CLEC16A: variants seen among roughly 807,000 people sequenced by gnomAD.
The protein encoded by CLEC16A is C-type lectin domain containing 16A, also known as protein CLEC16A.
In CLEC16A, 51 loss-of-function variants were observed where a neutral mutation model predicts 109.5. The ratio of observed to expected loss-of-function variants is 0.47; its 90% CI spans 0.37 to 0.59. CLEC16A has a LOEUF of 0.59. Ranked by LOEUF, CLEC16A falls within the 20% of genes least tolerant of loss-of-function variation. CLEC16A has a pLI of 0.00. For missense variants in CLEC16A, 1,339 were observed against 1,394.0 expected, an observed-to-expected ratio of 0.96 and a Z score of 0.63; for synonymous variants, 673 against 564.2, an observed-to-expected ratio of 1.19 and a Z score of -2.73.
intron 19 of CLEC16A, among the ~76,000 whole-genome samples, chr16:11,101,976 C>CTT (rs35871397): frequency 6.2e-5 from 8 of 129,552 alleles, no homozygotes; most frequent in Non-Finnish European, 8.3e-5. Context: ...ATAATTTTTG[C>CTT]TTTTTTTTTT....
intron 19 of CLEC16A, among the ~76,000 whole-genome samples, chr16:11,090,347 G>A (rs2050235739): frequency 6.6e-6 from 1 of 152,132 alleles, no homozygotes; most frequent in Non-Finnish European, 1.5e-5. Context: ...TTAAGAATGG[G>A]CTGTTACTTT....
intron 22 of CLEC16A, among the ~76,000 whole-genome samples, chr16:11,130,038 A>G (rs112670095): frequency 0.044 from 6,680 of 152,260 alleles, 488 homozygotes; most frequent in African/African-American, 0.15. Flanking sequence ...CTGGGATTAC[A>G]GGCGTGAGCC....
Position 10,944,695 on chromosome 16 carries a change from A to G in CLEC16A, c.-23A>G, listed in dbSNP as rs777251829. ...TGGTCCGGCATGAGACCGTGAGACGAGAGACGGGTCGGGGCCGCCGACATG... is the reference window on the plus strand; with the variant it reads ...TGGTCCGGCATGAGACCGTGAGACGGGAGACGGGTCGGGGCCGCCGACATG... On this transcript the variant is annotated 5_prime_UTR_variant, in exon 1 of 24. Transcript: ENST00000409790. 2 of 1,594,738 alleles carry G rather than the reference A, an allele frequency of 1.3e-6. No individual in the cohort carries two copies. Among genetic ancestry groups the G allele is most frequent in the South Asian group, 2.3e-5 (2 of 88,276 alleles).
chr16:11,078,939 T>G (rs775906526), intron 19 of CLEC16A, among the ~76,000 whole-genome samples: 2 of 152,192 alleles, frequency 1.3e-5, no homozygotes, highest in Non-Finnish European at 2.9e-5. Context: ...GAAGTTAAGC[T>G]TGCATACAGT....
intron 18 of CLEC16A, among the ~76,000 whole-genome samples, chr16:11,056,379 T>C (rs2048215673): frequency 1.3e-5 from 2 of 152,190 alleles, no homozygotes; most frequent in Admixed American, 6.5e-5. Context: ...CAGGAAGCAT[T>C]GTCTGAACAG....
chr16:11,078,800 G>A (rs896834521), intron 19 of CLEC16A, among the ~76,000 whole-genome samples: 7 of 152,158 alleles, frequency 4.6e-5, no homozygotes, highest in African/African-American at 1.7e-4. Context: ...CCATGAGGGA[G>A]GCAGATTCCC....
intron 21 of CLEC16A, among the ~76,000 whole-genome samples, 190 bp from the exon 22 acceptor site, chr16:11,125,789 G>A (rs989899453): frequency 1.3e-5 from 2 of 152,126 alleles, no homozygotes; most frequent in African/African-American, 2.4e-5. Context: ...CCGCTTGTGC[G>A]TTGAGCCTCA....
intron 11 of CLEC16A, among the ~76,000 whole-genome samples, chr16:11,015,023 C>T (rs931880168): frequency 6.6e-6 from 1 of 152,206 alleles, no homozygotes. Flanking sequence ...TGGTCCCATG[C>T]CCACATAGCA....
intron 7 of CLEC16A, among the ~76,000 whole-genome samples, 168 bp from the exon 8 acceptor site, chr16:10,977,057 C>A (rs1257000710): frequency 6.6e-6 from 1 of 152,178 alleles, no homozygotes; most frequent in East Asian, 1.9e-4. Flanking sequence ...AGTAAACCTG[C>A]CCATTTTCCC....
At chr16:11,080,851 G>A (rs1301853182) in intron 19 of CLEC16A, among the ~76,000 whole-genome samples, 4 of 152,204 alleles carry the variant, frequency 2.6e-5, no homozygotes, top group Admixed American at 2.0e-4. Context: ...GCCTGTCCAG[G>A]TAATCCAAGA....
chr16:10,963,209 G>A (rs1366656556), intron 3 of CLEC16A, among the ~76,000 whole-genome samples: 1 of 152,152 alleles, frequency 6.6e-6, no homozygotes, highest in East Asian at 1.9e-4. Flanking sequence ...AGTGCTAGCT[G>A]GTGTCTCTTC....
At chr16:11,115,045 T>A (rs1411119881) in intron 19 of CLEC16A, among the ~76,000 whole-genome samples, 4 of 152,212 alleles carry the variant, frequency 2.6e-5, no homozygotes, top group African/African-American at 9.7e-5. Context: ...TTTTTGTTCT[T>A]TGTGGTGGAG....
rs2068933267 is a variant in CLEC16A at position 11,180,841 on chromosome 16, G to C, written c.*2151G>C. On this transcript the variant is annotated 3_prime_UTR_variant, in exon 24 of 24. Coordinates refer to ENST00000409790, the MANE Select transcript of CLEC16A (RefSeq NM_015226.3). ...TGTAACCACTGAGCACTGAAGGAGA[G>C]AGGTCTTGGTCAGGGCTGGACAGCA... is the stretch of plus-strand genomic sequence containing the variant. 6.6e-6 allele frequency: 1 copy of C among 152,508 alleles called. No individual in the cohort carries two copies. Among genetic ancestry groups the C allele is most frequent in the Non-Finnish European group, 1.5e-5 (1 of 68,264 alleles). The allele number at this position is 152,508 out of a possible 1,614,324, so 9.4% of individuals were successfully genotyped here.
intron 22 of CLEC16A, among the ~76,000 whole-genome samples, chr16:11,135,593 C>G (rs1249212660): frequency 6.6e-6 from 1 of 152,216 alleles, no homozygotes; most frequent in Non-Finnish European, 1.5e-5. Context: ...GCCAAAGCGA[C>G]TGTATGCCCG....
chr16:11,017,218 G>T (rs533800233), intron 11 of CLEC16A, among the ~76,000 whole-genome samples: 2 of 152,242 alleles, frequency 1.3e-5, no homozygotes, highest in East Asian at 3.9e-4. Flanking sequence ...TCTCGTGTTG[G>T]GCTAGACCAG....
intron 6 of CLEC16A, 144 bp downstream of exon 6, chr16:10,972,703 C>A: frequency 1.2e-6 from 1 of 854,786 alleles, no homozygotes; most frequent in Non-Finnish European, 1.8e-6. Flanking sequence ...TAATGTTTAG[C>A]CCAACTAATT....
chr16:11,145,223 C>G (rs1460670435), intron 22 of CLEC16A, among the ~76,000 whole-genome samples: 1 of 152,212 alleles, frequency 6.6e-6, no homozygotes, highest in Non-Finnish European at 1.5e-5. Context: ...TCCCACTCTA[C>G]TCCGACCACA....
At chr16:11,141,654 A>G (rs919569603) in intron 22 of CLEC16A, among the ~76,000 whole-genome samples, 3 of 152,196 alleles carry the variant, frequency 2.0e-5, no homozygotes, top group African/African-American at 4.8e-5. Context: ...TGGATTGGAG[A>G]CAGCAGTGCG....
In CLEC16A at chr16:11,174,204, G is replaced by T; in HGVS notation, c.2807-4131G>T. On this transcript the variant is annotated intron_variant, in intron 23 of 23. Coordinates refer to ENST00000409790, the MANE Select transcript of CLEC16A (RefSeq NM_015226.3). This position sits in a 1 kb window ranked among gnomAD's most constrained non-coding sequence, Gnocchi z 4.7. ...ACGAGTGTTCAGCCTGTCGGAGGCC[G>T]ACAGTCATGGCGGCCACTGGGTTTA... 1 of 469,538 alleles carries T rather than the reference G, an allele frequency of 2.1e-6. No individual in the cohort carries two copies. Among genetic ancestry groups the T allele is most frequent in the Non-Finnish European group, 4.4e-6 (1 of 226,978 alleles). 29.1% of individuals were successfully genotyped at this position (469,538 alleles called of 1,614,324 possible).
Sources: gnomAD v4.1 joint callset for allele counts (sites outside exome capture counted in the v4.1 genomes callset) on GRCh38, gnomAD v4.1.1 for gene constraint, Gnocchi (gnomAD v3.1) non-coding constraint, MANE v1.5 for transcripts, NCBI Gene and HGNC (gene_info 2026-07-23, HGNC 2026-07-21) for gene names.